The following SMC6 variants were observed in gnomAD, a reference collection of about 807,000 sequenced individuals.
SMC6 encodes the protein structural maintenance of chromosomes protein 6.
Under a neutral mutation model 142.2 loss-of-function variants are expected in SMC6, and 79 were observed. The ratio of observed to expected loss-of-function variants is 0.56; its 90% CI spans 0.46 to 0.67. The LOEUF is 0.67. Ranked by LOEUF, SMC6 falls within the 30% of genes least tolerant of loss-of-function variation. SMC6 has a pLI of 0.00. For synonymous variants in SMC6, 411 were observed against 412.4 expected (o/e 1.00, Z 0.04); for missense variants, 1,072 against 1,284.0 (o/e 0.83, Z 2.52).
At position 17,725,369 on chromosome 2, in the gene SMC6, T is replaced by TA; in HGVS notation, c.625-12dup. ...TGCTTTCATGAAGAACTATTATCAA[T>TA]AACAAAAAAAAACGCAATTAGGAGT... is the stretch of plus-strand genomic sequence containing the variant. On this transcript the variant is annotated splice_polypyrimidine_tract_variant and intron_variant, in intron 8 of 27. Transcript: ENST00000448223. 1 of 1,552,234 alleles carries TA rather than the reference T, an allele frequency of 6.4e-7. No homozygotes were observed. Among genetic ancestry groups the TA allele is most frequent in the Admixed American group, 2.1e-5 (1 of 48,472 alleles).
At chr2:17,685,180 T>C (rs1020518095) in intron 23 of SMC6, among the ~76,000 whole-genome samples, 2 of 148,870 alleles carry the variant, frequency 1.3e-5, no homozygotes, top group East Asian at 3.9e-4. Flanking sequence ...AAGATATAGA[T>C]ATTCAACATA....
intron 5 of SMC6, among the ~76,000 whole-genome samples, chr2:17,737,920 A>C (rs74841342): frequency 2.0e-5 from 3 of 152,182 alleles, no homozygotes; most frequent in Non-Finnish European, 4.4e-5. Flanking sequence ...CAAGGTTTAT[A>C]AACACTTGTT....
chr2:17,695,556 A>C (rs1283537240), intron 22 of SMC6, among the ~76,000 whole-genome samples: 2 of 152,340 alleles, frequency 1.3e-5, no homozygotes, highest in East Asian at 3.9e-4. Context: ...CTAGTGAAAC[A>C]AATTTAATGC....
chr2:17,721,409 T>C, intron 9 of SMC6, 148 bp from the exon 10 acceptor site: 1 of 900,120 alleles, frequency 1.1e-6, no homozygotes, highest in Non-Finnish European at 1.6e-6. Context: ...AAATTATTCT[T>C]GATTCTTTGG....
rs372574376 is a variant in SMC6 at position 17,741,578 on chromosome 2, C to T, written c.238+34G>A. The T allele has an allele frequency of 9.3e-6, 13 of 1,404,480 alleles. 1 individual carries two copies. The East Asian group carries it at 2.5e-4, about 27-fold the overall frequency. 87.0% of individuals were successfully genotyped at this position (1,404,480 alleles called of 1,614,324 possible). ...AACGTACTCTAATCTCAAAGTACTG[C>T]TCAAAGTCAAACGAGAAGGGAAAAA... On this transcript the variant is annotated intron_variant, in intron 4 of 27. Transcript: ENST00000448223.
rs537434740 is a variant in SMC6 at position 17,753,002 on chromosome 2, C to T, written c.-30G>A. The T allele has an allele frequency of 9.1e-6, 9 of 984,864 alleles. No individual in the cohort carries two copies. The South Asian group carries it at 3.8e-4, about 41-fold the overall frequency. 61.0% of individuals were successfully genotyped at this position (984,864 alleles called of 1,614,324 possible). A position where few individuals can be genotyped will look rare whatever the true frequency, so the allele number is the denominator to read the frequency against. ...CCTCAAACCCTATTGGTTCTACAAC[C>T]TTTCTCTACCCTAGAGTCCTGTTTT... On this transcript the variant is annotated 5_prime_UTR_variant, in exon 2 of 28. Transcript: ENST00000448223.
chr2:17,719,494 G>A (rs1669265058), intron 11 of SMC6, among the ~76,000 whole-genome samples: 2 of 152,080 alleles, frequency 1.3e-5, no homozygotes, highest in Admixed American at 6.5e-5. Context: ...GGAGAAAAAG[G>A]CCTACAAAAG....
At chr2:17,698,130 G>A (rs189855859) in intron 21 of SMC6, among the ~76,000 whole-genome samples, 32 of 152,122 alleles carry the variant, frequency 2.1e-4, no homozygotes, top group Admixed American at 7.2e-4. Context: ...CCAGGGGATG[G>A]GAACAGGAGA....
intron 9 of SMC6, among the ~76,000 whole-genome samples, chr2:17,721,783 C>T (rs2125015653): frequency 6.6e-6 from 1 of 151,812 alleles, no homozygotes; most frequent in Middle Eastern, 3.4e-3. Context: ...GCAACCTCCA[C>T]CTCCCAGGTT....
intron 16 of SMC6, among the ~76,000 whole-genome samples, chr2:17,713,174 C>G (rs1668912979): frequency 6.6e-6 from 1 of 152,182 alleles, no homozygotes. Flanking sequence ...CTAAAAAACT[C>G]TAATGTTTAT....
intron 24 of SMC6, among the ~76,000 whole-genome samples, chr2:17,682,706 A>G (rs1480772685): frequency 3.3e-5 from 5 of 152,096 alleles, no homozygotes; most frequent in African/African-American, 1.2e-4. Context: ...AGAGGTAGGA[A>G]AAAATTAGCC....
chr2:17,714,869 T>C lies in SMC6; in HGVS notation c.1722A>G (p.Val574=). Residue 574 remains valine (V), a synonymous_variant, in exon 16 of 28, where the codon GTA becomes GTG. Transcript: ENST00000448223. ...AATTACTAATGCCTTACCTGTGTCT[T>C]ACATCATATATCTCATTCCGAAACT... ...VSEFRNEIYD[V]RHRAAYHPDF... The C allele has an allele frequency of 6.2e-7, 1 of 1,612,052 alleles. No individual in the cohort carries two copies. The highest frequency in any genetic ancestry group is 8.5e-7 in the Non-Finnish European group (1 of 1,179,512).
chr2:17,675,299 C>A (rs1666950975), intron 25 of SMC6, among the ~76,000 whole-genome samples: 3 of 152,036 alleles, frequency 2.0e-5, no homozygotes. Context: ...TACTTCTATT[C>A]CCTTTTTGTG....
At position 17,721,247 on chromosome 2, in the gene SMC6, T is replaced by C. The variant is rs1669360938; in HGVS notation, c.741A>G (p.Leu247=). Residue 247 remains leucine (L), a synonymous_variant, in exon 10 of 28, where the codon CTA becomes CTG. Transcript: ENST00000448223. ...IHQGEERLTE[L]KRQCVEKEER... is the part of the protein sequence containing the mutation. Reference sequence around the variant, plus strand: ...CCTCTTTCTCTACACACTGGCGCTTTAGTTCAGTAAGCCGCTTAAAAAAAG... The same window carrying C: ...CCTCTTTCTCTACACACTGGCGCTTCAGTTCAGTAAGCCGCTTAAAAAAAG... The C allele has an allele frequency of 1.3e-6, 2 of 1,591,658 alleles. No homozygotes were observed. The highest frequency in any genetic ancestry group is 1.7e-6 in the Non-Finnish European group (2 of 1,173,618).
intron 9 of SMC6, among the ~76,000 whole-genome samples, chr2:17,724,110 T>C (rs545832613): frequency 6.6e-6 from 1 of 152,208 alleles, no homozygotes; most frequent in East Asian, 1.9e-4. Context: ...TCCTGATTAA[T>C]TATATTAAAA....
At chr2:17,676,556 G>T (rs1667001158) in intron 25 of SMC6, among the ~76,000 whole-genome samples, 1 of 151,972 alleles carries the variant, frequency 6.6e-6, no homozygotes, top group African/African-American at 2.4e-5. Context: ...TGAATTTTAG[G>T]ATCAGCTTGT....
chr2:17,693,267 C>T (rs1006433799), intron 23 of SMC6, among the ~76,000 whole-genome samples: 1 of 151,990 alleles, frequency 6.6e-6, no homozygotes, highest in South Asian at 2.1e-4. Flanking sequence ...TTTATTGCGG[C>T]ACTATTCACA....
intron 15 of SMC6, among the ~76,000 whole-genome samples, chr2:17,715,500 TA>T (rs1669039820): frequency 6.6e-6 from 1 of 152,096 alleles, no homozygotes; most frequent in Non-Finnish European, 1.5e-5. Flanking sequence ...ATGTATCATT[TA>T]AAAGAGATAT....
At position 17,707,202 on chromosome 2, in the gene SMC6, C is replaced by A; in HGVS notation, c.2006+17G>T. The A allele has an allele frequency of 6.6e-7, 1 of 1,517,868 alleles. No homozygotes were observed. The highest frequency in any genetic ancestry group is 8.8e-7 in the Non-Finnish European group (1 of 1,133,324). 94.0% of individuals were successfully genotyped at this position (1,517,868 alleles called of 1,614,324 possible). On this transcript the variant is annotated intron_variant, in intron 18 of 27. Transcript: ENST00000448223. ...AAGCAGTGGGAATGATACAGTAAAG[C>A]TAAACTTGACTCTAACCTTATTTCA...
Sources: allele counts gnomAD v4.1 joint callset (sites outside exome capture counted in the v4.1 genomes callset), GRCh38; gene constraint gnomAD v4.1.1; transcripts MANE v1.5; gene names NCBI Gene and HGNC (gene_info 2026-07-23, HGNC 2026-07-21).